The following MED12L variants were observed in gnomAD, a reference collection of about 807,000 sequenced individuals.
The protein encoded by MED12L is mediator complex subunit 12L.
A neutral mutation model predicts 281.3 loss-of-function variants in MED12L; 60 were observed. The ratio of observed to expected loss-of-function variants is 0.21; its 90% confidence interval spans 0.17 to 0.26. MED12L has a LOEUF of 0.26. MED12L is among the 10% of genes least tolerant of loss of function. The probability of loss-of-function intolerance (pLI) is 1.00; values close to 1 mark genes in which losing one functional copy is unlikely to be tolerated. For missense variants in MED12L, 2,146 were observed against 2,680.9 expected (o/e 0.80, Z 4.41); for synonymous variants, 974 against 987.2 (o/e 0.99, Z 0.25).
intron 16 of MED12L, among the ~76,000 whole-genome samples, chr3:151,228,123 G>A (rs942543083): frequency 6.6e-6 from 1 of 152,182 alleles, no homozygotes; most frequent in African/African-American, 2.4e-5. Context: ...GTCTAGGAAT[G>A]TGAAGTGTGC....
At chr3:151,192,750 C>T (rs1047007653) in intron 15 of MED12L, 96 bp downstream of exon 15, 4 of 768,850 alleles carry the variant, frequency 5.2e-6, no homozygotes, top group Non-Finnish European at 8.8e-6. Context: ...ATGACTTGCA[C>T]ATTTGTGATA....
At chr3:151,380,723 T>A (rs1035615185) in intron 32 of MED12L, among the ~76,000 whole-genome samples, 1 of 152,134 alleles carries the variant, frequency 6.6e-6, no homozygotes, top group Non-Finnish European at 1.5e-5. Context: ...TTTATATTAA[T>A]GAGATATATA....
At chr3:151,093,491 T>G (rs948454067) in intron 2 of MED12L, among the ~76,000 whole-genome samples, 1 of 152,236 alleles carries the variant, frequency 6.6e-6, no homozygotes, top group Non-Finnish European at 1.5e-5. Flanking sequence ...GGGCTCCCCC[T>G]TATTCCTACC....
At chr3:151,310,425 A>C (rs1419238367) in intron 16 of MED12L, among the ~76,000 whole-genome samples, 1 of 152,208 alleles carries the variant, frequency 6.6e-6, no homozygotes, top group Non-Finnish European at 1.5e-5. Flanking sequence ...GTCTTCAAGC[A>C]TTCAGCCCTT....
intron 2 of MED12L, among the ~76,000 whole-genome samples, chr3:151,113,265 A>G (rs947006362): frequency 1.3e-5 from 2 of 152,222 alleles, no homozygotes; most frequent in African/African-American, 4.8e-5. Flanking sequence ...GGGAACAGAC[A>G]GTGCAAAATC....
At chr3:151,141,190 T>TTTTTTTTTTTTG (rs1716962660) in intron 5 of MED12L, among the ~76,000 whole-genome samples, 1 of 135,108 alleles carries the variant, frequency 7.4e-6, no homozygotes, top group Admixed American at 7.8e-5. Context: ...TTTTTTTGTT[T>TTTTTTTTTTTTG]TTTTTTTTTT....
In MED12L at chr3:151,365,190, C is replaced by T. The variant is rs752982478; in HGVS notation, c.3169C>T (p.His1057Tyr). 87 of 1,613,620 alleles carry T rather than the reference C, an allele frequency of 5.4e-5. No individual in the cohort carries two copies. The highest frequency in any genetic ancestry group is 7.1e-5 in the Non-Finnish European group (84 of 1,179,690). The part of the protein sequence containing the change: ...CNTLMNVCMG[H>Y]QDAGRINDIA... ...TACACTCATGAATGTATGTATGGGC[C>T]ATCAGGATGCTGGCAGGTGAGATGG... is the stretch of plus-strand genomic sequence containing the variant. Residue 1057 changes from histidine (H) to tyrosine (Y), a missense_variant, in exon 22 of 45, where the codon CAT (histidine) becomes TAT (tyrosine). Physicochemically the swap from His to Tyr is moderately conservative, Grantham distance 83. Around this residue, in one of 9 missense-constraint regions of MED12L, gnomAD observed 404 missense variants for 603.5 expected, o/e 0.67. Transcript: ENST00000687756.
At chr3:151,374,810 A>C (rs965517947) in intron 27 of MED12L, among the ~76,000 whole-genome samples, 34 of 152,134 alleles carry the variant, frequency 2.2e-4, no homozygotes, top group African/African-American at 8.2e-4. Flanking sequence ...TTCAAAAGTG[A>C]AACTATACAA....
intron 16 of MED12L, among the ~76,000 whole-genome samples, chr3:151,348,577 T>A (rs568466527): frequency 6.6e-6 from 1 of 151,766 alleles, no homozygotes; most frequent in African/African-American, 2.4e-5. Context: ...TAGCTTCTTT[T>A]TTTTTTTTTT....
chr3:151,366,129 C>T, intron 23 of MED12L, 138 bp downstream of exon 23: 1 of 663,768 alleles, frequency 1.5e-6, no homozygotes, highest in Non-Finnish European at 2.2e-6. Context: ...TGTCCAAAAG[C>T]AGTAAACCAC....
At chr3:151,423,058 C>T in intron 43 of MED12L, among the ~76,000 whole-genome samples, 1 of 148,642 alleles carries the variant, frequency 6.7e-6, no homozygotes. Context: ...CTTGCTCTGT[C>T]ACCCAGGCTG....
intron 16 of MED12L, among the ~76,000 whole-genome samples, chr3:151,290,260 G>C (rs1023160695): frequency 3.3e-5 from 5 of 152,162 alleles, no homozygotes; most frequent in African/African-American, 1.2e-4. Context: ...TGAAATAAAA[G>C]GAATTTCCAA....
At chr3:151,268,616 C>T (rs1030531864) in intron 16 of MED12L, among the ~76,000 whole-genome samples, 5 of 152,256 alleles carry the variant, frequency 3.3e-5, no homozygotes, top group African/African-American at 1.2e-4. Flanking sequence ...AGTTCATTCC[C>T]ATTAGTGGTT....
intron 43 of MED12L, among the ~76,000 whole-genome samples, chr3:151,424,624 AAAAAC>A (rs1230769677): frequency 1.4e-4 from 20 of 148,060 alleles, no homozygotes; most frequent in East Asian, 4.7e-4. Context: ...CTGTCTCAAA[AAAAAC>A]AAAACAAAAC....
chr3:151,169,280 G>A (rs1721132268), intron 11 of MED12L, among the ~76,000 whole-genome samples: 1 of 151,548 alleles, frequency 6.6e-6, no homozygotes, highest in African/African-American at 2.4e-5. Flanking sequence ...CGTCACGCCC[G>A]GTTAATATTT....
At chr3:151,292,807 T>C (rs1744445559) in intron 16 of MED12L, among the ~76,000 whole-genome samples, 1 of 152,168 alleles carries the variant, frequency 6.6e-6, no homozygotes, top group South Asian at 2.1e-4. Context: ...CCTCTATATA[T>C]ATACGGAAGC....
At chr3:151,147,922 T>G (rs184373611) in intron 5 of MED12L, among the ~76,000 whole-genome samples, 4 of 152,342 alleles carry the variant, frequency 2.6e-5, no homozygotes, top group Admixed American at 2.6e-4. Flanking sequence ...GACATTATAT[T>G]TAACCTTTTG....
At chr3:151,113,341 A>G (rs1233904339) in intron 2 of MED12L, among the ~76,000 whole-genome samples, 1 of 152,198 alleles carries the variant, frequency 6.6e-6, no homozygotes, top group Admixed American at 6.5e-5. Context: ...GTGTTAGTGA[A>G]GGGAAGTGTG....
intron 16 of MED12L, among the ~76,000 whole-genome samples, chr3:151,241,117 T>A (rs1452558672): frequency 6.6e-6 from 1 of 152,156 alleles, no homozygotes; most frequent in Non-Finnish European, 1.5e-5. Context: ...AAGTCTTAGA[T>A]CTCACTATCA....
Sources: allele counts gnomAD v4.1 joint callset (sites outside exome capture counted in the v4.1 genomes callset), GRCh38; gene constraint gnomAD v4.1.1; regional missense constraint gnomAD v4.1.1; transcripts MANE v1.5; gene names NCBI Gene and HGNC (gene_info 2026-07-23, HGNC 2026-07-21).